Variants in VPS13C observed in about 807,000 individuals in gnomAD.
VPS13C encodes intermembrane lipid transfer protein VPS13C.
In VPS13C, 358 loss-of-function variants were observed where a neutral mutation model predicts 456.8. The observed-to-expected ratio is 0.78, with a 90% confidence interval of 0.72 to 0.86. VPS13C has a LOEUF of 0.86. VPS13C is among the 40% of genes least tolerant of loss of function. The probability of loss-of-function intolerance (pLI) is 0.00; values close to 1 mark genes in which losing one functional copy is unlikely to be tolerated. For synonymous variants in VPS13C, 1,578 were observed against 1,486.7 expected (o/e 1.06, Z -1.41); for missense variants, 4,818 against 4,385.4 (o/e 1.10, Z -2.79).
chr15:61,941,187 C>G (rs985866012), intron 46 of VPS13C, among the ~76,000 whole-genome samples: 1 of 152,208 alleles, frequency 6.6e-6, no homozygotes, highest in Non-Finnish European at 1.5e-5. Context: ...GTTATTGGTA[C>G]TTCTCCAGAC....
At chr15:61,889,931 T>G (rs1229960704) in intron 67 of VPS13C, among the ~76,000 whole-genome samples, 3 of 151,898 alleles carry the variant, frequency 2.0e-5, no homozygotes, top group African/African-American at 7.3e-5. Context: ...ACAAACCACT[T>G]TTTCCCCCAC....
In VPS13C at chr15:62,037,461, T is replaced by TAATAAATTTATTATATTGTAAG. The variant is rs1555449702; in HGVS notation, c.188-2410_188-2409insCTTACAATATAATAAATTTATT. ...TATATATTAAATAAATATATAAATATAATATAATAAATTTATTATATTGTA... is the reference window on the plus strand; with the variant it reads ...TATATATTAAATAAATATATAAATATAATAAATTTATTATATTGTAAGAATATAATAAATTTATTATATTGTA... On this transcript the variant is annotated intron_variant, in intron 3 of 84. Coordinates refer to ENST00000644861, the MANE Select transcript of VPS13C (RefSeq NM_020821.3). Among the ~76,000 whole-genome samples, 229 of 81,736 alleles carry TAATAAATTTATTATATTGTAAG rather than the reference T, an allele frequency of 2.8e-3. 2 individuals are homozygous for TAATAAATTTATTATATTGTAAG. The highest frequency in any genetic ancestry group is 3.8e-3 in the Non-Finnish European group (158 of 41,418). 53.6% of individuals were successfully genotyped at this position (81,736 alleles called of 152,430 possible).
intron 31 of VPS13C, 37 bp from the exon 32 acceptor site, chr15:61,963,988 T>C (rs771781396): frequency 7.5e-7 from 1 of 1,341,392 alleles, no homozygotes; most frequent in Non-Finnish European, 1.1e-6. Context: ...CATGGTGAGA[T>C]TCTAGTCATC....
chr15:61,867,542 A>G lies in VPS13C; in HGVS notation c.10863+1117T>C, dbSNP rs895058207. 4.0e-6 allele frequency: 4 copies of G among 1,004,922 alleles called. No homozygotes were observed. The highest frequency in any genetic ancestry group is 5.0e-4 in the Middle Eastern group (1 of 1,992). 62.3% of individuals were successfully genotyped at this position (1,004,922 alleles called of 1,614,324 possible). A position where few individuals can be genotyped will look rare whatever the true frequency, so the allele number is the denominator to read the frequency against. Reference sequence around the variant, plus strand: ...ATCATCAAGACTCACAAACATAAACATATTAATTGGACATAATAATTGTCC... The same window carrying G: ...ATCATCAAGACTCACAAACATAAACGTATTAATTGGACATAATAATTGTCC... On this transcript the variant is annotated intron_variant, in intron 81 of 84. Transcript: ENST00000644861. This position sits in a 1 kb window ranked among gnomAD's most constrained non-coding sequence, Gnocchi z 5.0.
rs1480269413 is a variant in VPS13C at position 61,913,208 on chromosome 15, G to A, written c.8550+103C>T. On this transcript the variant is annotated intron_variant, in intron 62 of 84. Coordinates refer to ENST00000644861, the MANE Select transcript of VPS13C (RefSeq NM_020821.3). ...ATATACCCAAAGGACTATAAATCAT[G>A]CTGCTATAAAGACACATGCACACAT... 7 of 1,001,320 alleles carry A rather than the reference G, an allele frequency of 7.0e-6. No homozygotes were observed. In the South Asian group the frequency reaches 7.1e-5, roughly 10 times the overall value. The allele number at this position is 1,001,320 out of a possible 1,614,324, so 62.0% of individuals were successfully genotyped here. A position where few individuals can be genotyped will look rare whatever the true frequency, so the allele number is the denominator to read the frequency against.
chr15:61,865,274 C>A, intron 81 of VPS13C: 1 of 981,344 alleles, frequency 1.0e-6, no homozygotes, highest in Non-Finnish European at 1.2e-6. Context: ...AAAGCAAAAT[C>A]TATAATGATG....
intron 5 of VPS13C, among the ~76,000 whole-genome samples, chr15:62,032,745 A>C (rs560403488): frequency 4.1e-4 from 62 of 151,910 alleles, no homozygotes; most frequent in Non-Finnish European, 8.4e-4. Flanking sequence ...CACAAAAATT[A>C]TATAAAATGC....
chr15:61,960,356 T>C (rs1462823844), intron 35 of VPS13C, among the ~76,000 whole-genome samples: 1 of 152,184 alleles, frequency 6.6e-6, no homozygotes, highest in Non-Finnish European at 1.5e-5. Flanking sequence ...TCCTCAATAG[T>C]ACAGAATACA....
intron 9 of VPS13C, among the ~76,000 whole-genome samples, chr15:62,015,122 C>T (rs944097953): frequency 1.3e-5 from 2 of 152,166 alleles, no homozygotes; most frequent in African/African-American, 4.8e-5. Flanking sequence ...CAAAGTTACT[C>T]TGCTCCCTTA....
At chr15:61,964,447 G>C (rs906478577) in intron 31 of VPS13C, among the ~76,000 whole-genome samples, 3 of 151,964 alleles carry the variant, frequency 2.0e-5, no homozygotes, top group Non-Finnish European at 2.9e-5. Context: ...TATAAATACA[G>C]ATCTTCTCCC....
At chr15:62,060,218 C>A (rs995949151) in intron 1 of VPS13C, 57 bp downstream of exon 1, 3 of 992,600 alleles carry the variant, frequency 3.0e-6, no homozygotes, top group East Asian at 5.7e-5. Context: ...CCGGACGGAG[C>A]AGCCCTCGGC....
chr15:61,883,126 G>A (rs1451413090), intron 68 of VPS13C, among the ~76,000 whole-genome samples: 2 of 151,546 alleles, frequency 1.3e-5, no homozygotes, highest in Non-Finnish European at 2.9e-5. Context: ...GGCCTCAAGT[G>A]ATACTCCTGC....
Position 61,882,679 on chromosome 15 carries a change from G to A in VPS13C, c.9541C>T (p.Arg3181Ter), listed in dbSNP as rs571944290. 4.6e-5 allele frequency: 73 copies of A among 1,598,534 alleles called. No homozygotes were observed. Among genetic ancestry groups the A allele is most frequent in the South Asian group, 1.8e-4 (16 of 87,224 alleles). Residue 3181 changes from arginine to a stop codon, truncating the protein, a stop_gained, in exon 69 of 85, where the codon CGA becomes TGA. Transcript: ENST00000644861. LOFTEE classifies it high-confidence loss of function. ...ATCTGAATTCCTGATAAAAAGTCTC[G>A]TTTAATAGGGCTACGAATAGGGAGG... is the stretch of plus-strand genomic sequence containing the variant. ...MRLPIRSPIK[R>*]DFLSGIQIEF...
intron 22 of VPS13C, among the ~76,000 whole-genome samples, chr15:61,979,531 G>A (rs912773598): frequency 3.9e-5 from 6 of 152,190 alleles, no homozygotes; most frequent in Non-Finnish European, 7.4e-5. Context: ...GTGCCCCAAA[G>A]AAATTAGCAG....
intron 1 of VPS13C, among the ~76,000 whole-genome samples, chr15:62,046,189 C>T (rs1288329577): frequency 6.6e-6 from 1 of 152,034 alleles, no homozygotes; most frequent in African/African-American, 2.4e-5. Context: ...TGAAAGAATA[C>T]AGGCAGTCAG....
At chr15:62,000,282 T>C (rs2046563131) in intron 16 of VPS13C, among the ~76,000 whole-genome samples, 1 of 152,072 alleles carries the variant, frequency 6.6e-6, no homozygotes, top group Admixed American at 6.6e-5. Context: ...GGAGAATCAC[T>C]TGCACCCGGG....
chr15:62,014,683 C>T (rs527773134), intron 9 of VPS13C, among the ~76,000 whole-genome samples: 13 of 152,200 alleles, frequency 8.5e-5, no homozygotes, highest in African/African-American at 2.4e-4. Context: ...GACAATGTGC[C>T]AAAAGCTTTA....
intron 3 of VPS13C, among the ~76,000 whole-genome samples, chr15:62,037,336 AT>A (rs1567137097): frequency 1.1e-5 from 1 of 88,780 alleles, no homozygotes; most frequent in Non-Finnish European, 2.1e-5. Flanking sequence ...ATATACATTT[AT>A]ATATAATATA....
At chr15:61,896,600 T>C (rs1329935897) in intron 66 of VPS13C, among the ~76,000 whole-genome samples, 1 of 152,212 alleles carries the variant, frequency 6.6e-6, no homozygotes, top group Non-Finnish European at 1.5e-5. Flanking sequence ...CGGAGGGTCC[T>C]ACGCCCACGG....
Sources: allele counts gnomAD v4.1 joint callset (sites outside exome capture counted in the v4.1 genomes callset), GRCh38; gene constraint gnomAD v4.1.1; non-coding constraint Gnocchi (gnomAD v3.1); transcripts MANE v1.5; gene names NCBI Gene and HGNC (gene_info 2026-07-23, HGNC 2026-07-21).